The following GPC4 variants were observed in gnomAD, a reference collection of about 807,000 sequenced individuals.
The protein encoded by GPC4 is glypican-4.
In GPC4, 10 loss-of-function variants were observed where a neutral mutation model predicts 35.0. The ratio of observed to expected loss-of-function variants is 0.29; its 90% confidence interval spans 0.18 to 0.48. The LOEUF is 0.48. GPC4 is among the 20% of genes least tolerant of loss of function. The pLI, the probability that GPC4 is intolerant of heterozygous loss-of-function variation, is 0.99. For synonymous variants in GPC4, 167 were observed against 170.2 expected (o/e 0.98, Z 0.15); for missense variants, 322 against 451.3 (o/e 0.71, Z 2.60).
At chrX:133,398,010 G>C (rs936291208) in intron 1 of GPC4, among the ~76,000 whole-genome samples, 1 of 112,261 alleles carries the variant, frequency 8.9e-6, no homozygotes, top group Non-Finnish European at 1.9e-5. Context: ...GCTGCTGTGA[G>C]CTGAGATTGC....
intron 1 of GPC4, among the ~76,000 whole-genome samples, chrX:133,345,521 A>C (rs1382800365): frequency 8.9e-6 from 1 of 112,303 alleles, no homozygotes. Context: ...GTGAACTGTA[A>C]CCTAAACTGG....
intron 1 of GPC4, 158 bp downstream of exon 1, chrX:133,414,648 G>T: frequency 1.3e-6 from 1 of 754,299 alleles, no homozygotes; most frequent in Non-Finnish European, 1.6e-6. Context: ...GGGCTGCCTG[G>T]CTCTCTCGCT....
chrX:133,350,411 T>C (rs779856758), intron 1 of GPC4, among the ~76,000 whole-genome samples: 34 of 110,441 alleles, frequency 3.1e-4, no homozygotes, highest in Non-Finnish European at 6.2e-4. Context: ...TAGTCCCAGC[T>C]AGTCAGGCAG....
intron 1 of GPC4, among the ~76,000 whole-genome samples, chrX:133,364,743 A>G (rs2068583003): frequency 8.9e-6 from 1 of 112,241 alleles, no homozygotes; most frequent in African/African-American, 3.2e-5. Context: ...ACACATAATC[A>G]ACTCTCAGGA....
At chrX:133,324,050 A>T in intron 3 of GPC4, 95 bp downstream of exon 3, 1 of 971,637 alleles carries the variant, frequency 1.0e-6, no homozygotes, top group Non-Finnish European at 1.4e-6. Flanking sequence ...AACCAACAGA[A>T]TTTTGGTGAT....
rs778207706 is a variant in GPC4 at position 133,309,579 on chromosome X, T to C, written c.877+1679A>G. On this transcript the variant is annotated intron_variant, in intron 4 of 8. Transcript: ENST00000370828. ...CCTTCTGCATTCCATTCCCAATGTG[T>C]CTGTAGAAAAGTCAGCAGAATTCGA... Among the ~76,000 whole-genome samples the C allele has an allele frequency of 6.2e-5, 7 of 113,013 alleles. No homozygotes were observed. The South Asian group carries it at 2.5e-3, about 41-fold the overall frequency.
chrX:133,415,112 C>A lies in GPC4; in HGVS notation c.-147G>T. 1.8e-6 allele frequency: 1 copy of A among 555,951 alleles called. No individual in the cohort carries two copies. The allele number at this position is 555,951 out of a possible 1,213,427, so 45.8% of individuals were successfully genotyped here. ...GGAGTTGGTGGAAGAGGCGAGCAGG[C>A]GGAGGAGACGCGGGGCGAAAAGTAG... is the stretch of plus-strand genomic sequence containing the variant. On this transcript the variant is annotated 5_prime_UTR_variant, in exon 1 of 9. Coordinates refer to ENST00000370828, the MANE Select transcript of GPC4 (RefSeq NM_001448.3).
chrX:133,330,674 G>A (rs1390068400), intron 2 of GPC4, among the ~76,000 whole-genome samples: 1 of 111,141 alleles, frequency 9.0e-6, no homozygotes, highest in Non-Finnish European at 1.9e-5. Context: ...TTGGCCAGGT[G>A]CAGCAGCTCA....
At chrX:133,368,660 T>C (rs1476513674) in intron 1 of GPC4, among the ~76,000 whole-genome samples, 1 of 110,821 alleles carries the variant, frequency 9.0e-6, no homozygotes, top group African/African-American at 3.3e-5. Context: ...ATTATTATTA[T>C]TTTAGACAAA....
At chrX:133,406,905 T>G (rs2068790587) in intron 1 of GPC4, among the ~76,000 whole-genome samples, 1 of 109,804 alleles carries the variant, frequency 9.1e-6, no homozygotes, top group South Asian at 3.9e-4. Context: ...TGAATCCCCA[T>G]CTCTACTAAA....
In GPC4 at chrX:133,333,703, A is replaced by C. The variant is rs779586321; in HGVS notation, c.319+5480T>G. On this transcript the variant is annotated intron_variant, in intron 2 of 8. Transcript: ENST00000370828. ...GGAGACCACTGGCATAATCTGGAAG[A>C]AACACTGCATTTGCAGGAAGGCCAG... 5.3e-5 allele frequency among the ~76,000 whole-genome samples: 6 copies of C among 113,085 alleles called. No individual in the cohort carries two copies. The South Asian group carries it at 2.2e-3, about 42-fold the overall frequency.
intron 1 of GPC4, among the ~76,000 whole-genome samples, chrX:133,403,234 A>G (rs1336755416): frequency 8.9e-6 from 1 of 112,319 alleles, no homozygotes; most frequent in African/African-American, 3.2e-5. Flanking sequence ...TTGGGCTGCT[A>G]AAACAAAATA....
chrX:133,340,306 C>A (rs112545725), intron 1 of GPC4, among the ~76,000 whole-genome samples: 206 of 110,971 alleles, frequency 1.9e-3, no homozygotes, highest in Non-Finnish European at 3.4e-3. Context: ...CCACAAGATG[C>A]AATGCCACTC....
chrX:133,312,316 G>A (rs1174162342), intron 3 of GPC4, among the ~76,000 whole-genome samples: 1 of 110,851 alleles, frequency 9.0e-6, no homozygotes, highest in African/African-American at 3.3e-5. Flanking sequence ...ATTTAGAGGG[G>A]CTTAAACATC....
chrX:133,366,775 T>A (rs2068591740), intron 1 of GPC4, among the ~76,000 whole-genome samples: 1 of 111,385 alleles, frequency 9.0e-6, no homozygotes, highest in Admixed American at 9.6e-5. Context: ...GAGAGGCTAC[T>A]CCCTTTGCAA....
At position 133,306,184 on chromosome X, in the gene GPC4, A is replaced by G. The variant is rs1478568303; in HGVS notation, c.878-30T>C. On this transcript the variant is annotated intron_variant, in intron 4 of 8. Transcript: ENST00000370828. The stretch of plus-strand genomic sequence containing the variant: ...TATGAGGTTTGGGGAAGAACAATAC[A>G]GCATAAAAAGTCAATCATTAGTTTG... 5 of 1,201,424 alleles carry G rather than the reference A, an allele frequency of 4.2e-6. No individual in the cohort carries two copies. The Admixed American group carries it at 1.1e-4, about 27-fold the overall frequency.
At chrX:133,347,265 T>TTTG in intron 1 of GPC4, among the ~76,000 whole-genome samples, 1 of 94,254 alleles carries the variant, frequency 1.1e-5, no homozygotes, top group Non-Finnish European at 2.1e-5. Context: ...TTTTTTTTTT[T>TTTG]TTTTTTTTTT....
At chrX:133,385,539 G>A (rs2068685199) in intron 1 of GPC4, among the ~76,000 whole-genome samples, 1 of 111,468 alleles carries the variant, frequency 9.0e-6, no homozygotes, top group African/African-American at 3.3e-5. Flanking sequence ...ATTTTATTTT[G>A]TCTGCACCAT....
At chrX:133,366,536 T>A (rs2068590740) in intron 1 of GPC4, among the ~76,000 whole-genome samples, 1 of 111,598 alleles carries the variant, frequency 9.0e-6, no homozygotes, top group South Asian at 3.9e-4. Context: ...AGAAAAATTA[T>A]CAAAATGATT....
Sources: gnomAD v4.1 joint callset for allele counts (sites outside exome capture counted in the v4.1 genomes callset) on GRCh38, gnomAD v4.1.1 for gene constraint, MANE v1.5 for transcripts, NCBI Gene and HGNC (gene_info 2026-07-23, HGNC 2026-07-21) for gene names.